Variants in ARL15 observed in about 807,000 individuals in gnomAD.
The protein encoded by ARL15 is ARF like GTPase 15, also known as ADP-ribosylation factor-like protein 15.
In ARL15, 19 loss-of-function variants were observed where a neutral mutation model predicts 25.2. The ratio of observed to expected loss-of-function variants is 0.75; its 90% CI spans 0.53 to 1.10. The LOEUF (loss-of-function observed/expected upper bound fraction) is 1.10. Among genes scored for constraint, ARL15 ranks in the 50% least tolerant of loss-of-function variants. The pLI is 0.00. For missense variants in ARL15, 220 were observed against 246.0 expected (o/e 0.89, Z 0.71); for synonymous variants, 94 against 86.8 (o/e 1.08, Z -0.46).
intron 3 of ARL15, among the ~76,000 whole-genome samples, chr5:54,131,806 G>C (rs924274499): frequency 2.6e-5 from 4 of 152,148 alleles, no homozygotes; most frequent in Non-Finnish European, 4.4e-5. Context: ...GGGAGGCTGA[G>C]GCAGGAGAAT....
chr5:53,893,377 T>C (rs960826203), intron 4 of ARL15, among the ~76,000 whole-genome samples: 52 of 151,744 alleles, frequency 3.4e-4, no homozygotes, highest in Non-Finnish European at 5.3e-4. Context: ...GAGGCAGAGG[T>C]GGGCGGATCA....
chr5:54,239,025 AG>A (rs1756884356), intron 1 of ARL15, among the ~76,000 whole-genome samples: 1 of 152,220 alleles, frequency 6.6e-6, no homozygotes, highest in Non-Finnish European at 1.5e-5. Flanking sequence ...GCAGTTAGTG[AG>A]TGACAGAATC....
chr5:54,292,228 C>T (rs898843471), intron 1 of ARL15, among the ~76,000 whole-genome samples: 4 of 152,152 alleles, frequency 2.6e-5, no homozygotes, highest in African/African-American at 9.7e-5. Context: ...GCCCTCCCCT[C>T]CCTCCCTTGC....
At chr5:53,986,040 G>T (rs1462577754) in intron 4 of ARL15, among the ~76,000 whole-genome samples, 1 of 152,154 alleles carries the variant, frequency 6.6e-6, no homozygotes, top group Non-Finnish European at 1.5e-5. Context: ...TAACCACAGA[G>T]CTAAGAGAAC....
intron 1 of ARL15, among the ~76,000 whole-genome samples, chr5:54,268,948 A>G (rs1757703678): frequency 6.6e-6 from 1 of 152,186 alleles, no homozygotes; most frequent in East Asian, 1.9e-4. Flanking sequence ...GGAAATCATC[A>G]TTCTCAGTAA....
In ARL15 at chr5:53,886,634, T is replaced by G; in HGVS notation, c.542A>C (p.Asp181Ala). The change falls in exon 5 of 5, where the codon GAT (aspartate) becomes GCT (alanine). Residue 181 changes from aspartate to alanine, a missense_variant. Coordinates refer to ENST00000504924, the MANE Select transcript of ARL15 (RefSeq NM_019087.3). ...ILQPCSLDDM[D>A]ALKDSFSQLI... ...CTGAGAGAAGCTGTCTTTCAGTGCA[T>G]CCATGTCATCCAGTGAGCAGGGCTG... 1 of 1,571,946 alleles carries G rather than the reference T, an allele frequency of 6.4e-7. No homozygotes were observed. The highest frequency in any genetic ancestry group is 1.3e-5 in the African/African-American group (1 of 74,100).
chr5:54,045,705 TAG>T (rs1750486298), intron 4 of ARL15, among the ~76,000 whole-genome samples: 1 of 152,104 alleles, frequency 6.6e-6, no homozygotes, highest in African/African-American at 2.4e-5. Context: ...GGTTCAGACA[TAG>T]AGAGAGTGGG....
At chr5:54,159,292 C>A (rs892820718) in intron 2 of ARL15, among the ~76,000 whole-genome samples, 1 of 152,130 alleles carries the variant, frequency 6.6e-6, no homozygotes, top group African/African-American at 2.4e-5. Flanking sequence ...AAGTGTTCAA[C>A]TGACTCATCC....
intron 4 of ARL15, chr5:53,951,680 GTAAA>G (rs1561162839): frequency 1.3e-5 from 5 of 392,130 alleles, no homozygotes; most frequent in African/African-American, 9.0e-5. Context: ...AAAAATATCA[GTAAA>G]TAAATATATT....
In ARL15 at chr5:54,167,242, C is replaced by A. The variant is rs553935366; in HGVS notation, c.193+4542G>T. On this transcript the variant is annotated intron_variant, in intron 2 of 4. Transcript: ENST00000504924. Reference sequence around the variant, plus strand: ...TTTTGCTGGATACTCAAGGGAGACTCTGAAAATCTTTAGTGTTCTCTCTCT... The same window carrying A: ...TTTTGCTGGATACTCAAGGGAGACTATGAAAATCTTTAGTGTTCTCTCTCT... 1.2e-4 allele frequency among the ~76,000 whole-genome samples: 18 copies of A among 152,270 alleles called. No homozygotes were observed. The South Asian group carries it at 3.7e-3, about 32-fold the overall frequency.
At chr5:53,987,959 C>T (rs1479187831) in intron 4 of ARL15, among the ~76,000 whole-genome samples, 4 of 151,932 alleles carry the variant, frequency 2.6e-5, no homozygotes, top group Non-Finnish European at 5.9e-5. Flanking sequence ...AAACATTAGC[C>T]GGGCATGGTG....
chr5:54,253,844 C>T (rs1040368069), intron 1 of ARL15, among the ~76,000 whole-genome samples: 1 of 152,166 alleles, frequency 6.6e-6, no homozygotes, highest in African/African-American at 2.4e-5. Flanking sequence ...CCCACCCTGG[C>T]CTCCCAAAGT....
At chr5:54,215,352 T>G (rs964985618) in intron 1 of ARL15, among the ~76,000 whole-genome samples, 1 of 152,108 alleles carries the variant, frequency 6.6e-6, no homozygotes, top group Non-Finnish European at 1.5e-5. Flanking sequence ...AAACGCTAAT[T>G]TGATGGGTGG....
At chr5:54,070,785 C>A (rs1450207086) in intron 4 of ARL15, among the ~76,000 whole-genome samples, 1 of 151,864 alleles carries the variant, frequency 6.6e-6, no homozygotes, top group African/African-American at 2.4e-5. Flanking sequence ...GTGGAGGTTG[C>A]AGTGAGCCTA....
chr5:54,209,617 A>C (rs1412130472), intron 1 of ARL15, among the ~76,000 whole-genome samples: 2 of 152,222 alleles, frequency 1.3e-5, no homozygotes, highest in East Asian at 1.9e-4. Flanking sequence ...GTATACCTGT[A>C]TTTTACAGCA....
At chr5:54,212,799 A>G (rs938273277) in intron 1 of ARL15, among the ~76,000 whole-genome samples, 4 of 152,196 alleles carry the variant, frequency 2.6e-5, no homozygotes, top group African/African-American at 9.6e-5. Context: ...ATAAGAGTGA[A>G]TCTACTGTTA....
At chr5:54,258,436 T>A (rs1757421853) in intron 1 of ARL15, among the ~76,000 whole-genome samples, 1 of 152,190 alleles carries the variant, frequency 6.6e-6, no homozygotes, top group African/African-American at 2.4e-5. Flanking sequence ...TTTTAGGGGA[T>A]CTGAGGCAAG....
chr5:54,193,443 G>A (rs1755460951), intron 1 of ARL15, among the ~76,000 whole-genome samples: 1 of 152,180 alleles, frequency 6.6e-6, no homozygotes, highest in Admixed American at 6.5e-5. Context: ...CAGCAGGTGA[G>A]CAAGGGAGCA....
intron 1 of ARL15, among the ~76,000 whole-genome samples, chr5:54,175,327 C>T (rs1329248333): frequency 6.6e-6 from 1 of 151,096 alleles, no homozygotes; most frequent in Non-Finnish European, 1.5e-5. Context: ...CTTTTCTCTT[C>T]TTTCTTTCTT....
Sources: gnomAD v4.1 joint callset for allele counts (sites outside exome capture counted in the v4.1 genomes callset) on GRCh38, gnomAD v4.1.1 for gene constraint, MANE v1.5 for transcripts, NCBI Gene and HGNC (gene_info 2026-07-23, HGNC 2026-07-21) for gene names.